The following SLC35F3 variants were observed in gnomAD, a reference collection of about 807,000 sequenced individuals.
SLC35F3 encodes solute carrier family 35 member F3.
A neutral mutation model predicts 49.9 loss-of-function variants in SLC35F3; 25 were observed. The ratio of observed to expected loss-of-function variants is 0.50; its 90% confidence interval spans 0.37 to 0.70. The LOEUF (loss-of-function observed/expected upper bound fraction) is 0.70, where lower values mean the gene tolerates loss of function less well. SLC35F3 is among the 30% of genes least tolerant of loss of function. SLC35F3 has a pLI of 0.00. For missense variants in SLC35F3, 525 were observed against 639.8 expected (o/e 0.82, Z 1.94); for synonymous variants, 275 against 265.4 (o/e 1.04, Z -0.35).
At chr1:234,180,109 G>A (rs1666534202) in intron 2 of SLC35F3, among the ~76,000 whole-genome samples, 1 of 152,126 alleles carries the variant, frequency 6.6e-6, no homozygotes, top group Non-Finnish European at 1.5e-5. Flanking sequence ...AACAGCACCT[G>A]GCTAGAAATG....
intron 2 of SLC35F3, among the ~76,000 whole-genome samples, chr1:234,049,728 G>A (rs1451810824): frequency 6.6e-6 from 1 of 152,090 alleles, no homozygotes; most frequent in African/African-American, 2.4e-5. Context: ...ATGTTGGTGT[G>A]CTGCACCCAT....
chr1:234,241,790 A>G (rs548859867), intron 3 of SLC35F3, among the ~76,000 whole-genome samples: 157 of 151,504 alleles, frequency 1.0e-3, no homozygotes, highest in Non-Finnish European at 1.9e-3. Context: ...ACGGTGGGCT[A>G]CAAGGTTTGG....
intron 3 of SLC35F3, among the ~76,000 whole-genome samples, chr1:234,234,860 G>A (rs140429616): frequency 2.4e-4 from 36 of 152,276 alleles, no homozygotes; most frequent in African/African-American, 7.7e-4. Context: ...CAAATGACAC[G>A]CTGTATATGA....
intron 2 of SLC35F3, among the ~76,000 whole-genome samples, chr1:233,920,541 G>A (rs983671440): frequency 1.3e-5 from 2 of 152,162 alleles, no homozygotes; most frequent in African/African-American, 2.4e-5. Flanking sequence ...GTGTCCTGAC[G>A]GACAAACTCT....
chr1:234,255,898 C>T (rs1344063546), intron 3 of SLC35F3, among the ~76,000 whole-genome samples: 1 of 151,972 alleles, frequency 6.6e-6, no homozygotes, highest in South Asian at 2.1e-4. Context: ...AACCAAAAAC[C>T]CTACAAATCC....
chr1:234,285,228 C>A (rs1418687236), intron 3 of SLC35F3: 5 of 417,614 alleles, frequency 1.2e-5, no homozygotes, highest in South Asian at 8.9e-5. Context: ...GGACATTTCA[C>A]TGGGCTTCCC....
rs1325157838 is a variant in SLC35F3 at position 234,153,935 on chromosome 1, C to T, written c.284-77482C>T. On this transcript the variant is annotated intron_variant, in intron 2 of 7. Coordinates refer to ENST00000366618, the MANE Select transcript of SLC35F3 (RefSeq NM_173508.4). The stretch of plus-strand genomic sequence containing the variant: ...AAAATTAGCCGGGCATGGCGGCAGG[C>T]GCCTGTAGTCCCAGGTACTCGGGAG... Among the ~76,000 whole-genome samples the T allele has an allele frequency of 4.6e-5, 7 of 152,010 alleles. 1 individual carries two copies. In the South Asian group the frequency reaches 1.0e-3, roughly 22 times the overall value.
chr1:234,032,775 A>C (rs1219586960), intron 2 of SLC35F3, among the ~76,000 whole-genome samples: 1 of 152,178 alleles, frequency 6.6e-6, no homozygotes, highest in Admixed American at 6.5e-5. Context: ...TCATTGATTC[A>C]TGGGCATTTG....
chr1:234,111,446 C>G (rs1665404335), intron 2 of SLC35F3, among the ~76,000 whole-genome samples: 2 of 152,222 alleles, frequency 1.3e-5, no homozygotes, highest in Non-Finnish European at 2.9e-5. Context: ...TGTGCACCAC[C>G]ATGCCTGGCT....
chr1:234,050,385 C>G (rs1377573909), intron 2 of SLC35F3, among the ~76,000 whole-genome samples: 1 of 152,164 alleles, frequency 6.6e-6, no homozygotes, highest in African/African-American at 2.4e-5. Context: ...TCTCTGATGA[C>G]CAGTGATGAT....
chr1:234,263,272 TAAAAG>T (rs964583868), intron 3 of SLC35F3, among the ~76,000 whole-genome samples: 11 of 152,176 alleles, frequency 7.2e-5, no homozygotes, highest in South Asian at 2.1e-4. Flanking sequence ...ATGGGGAACT[TAAAAG>T]AGATATGAAT....
At position 233,932,270 on chromosome 1, in the gene SLC35F3, G is replaced by A. The variant is rs530839171; in HGVS notation, c.283+26512G>A. 3.2e-4 allele frequency among the ~76,000 whole-genome samples: 48 copies of A among 150,354 alleles called. 1 individual carries two copies. Among genetic ancestry groups the A allele is most frequent in the South Asian group, 2.4e-3 (11 of 4,614 alleles). Reference sequence around the variant, plus strand: ...TGTAACAAAACCACACATTCTGTACGTGTACCCCAGAACTTAAAGTATAAC... The same window carrying A: ...TGTAACAAAACCACACATTCTGTACATGTACCCCAGAACTTAAAGTATAAC... On this transcript the variant is annotated intron_variant, in intron 2 of 7. Transcript: ENST00000366618.
At chr1:234,139,533 G>T (rs1161262100) in intron 2 of SLC35F3, among the ~76,000 whole-genome samples, 1 of 152,128 alleles carries the variant, frequency 6.6e-6, no homozygotes, top group East Asian at 1.9e-4. Flanking sequence ...ACATAAAATT[G>T]TTCCTTTCCC....
chr1:233,969,159 T>TTCTCATCTTCAGTTTTCAGACGTCTGAAG (rs1662951711), intron 2 of SLC35F3, among the ~76,000 whole-genome samples: 1 of 152,128 alleles, frequency 6.6e-6, no homozygotes, highest in Non-Finnish European at 1.5e-5. Context: ...TTTTTTGCAA[T>TTCTCATCTTCAGTTTTCAGACGTCTGAAG]TCTCATCTTC....
chr1:234,078,958 G>GA (rs1031583897), intron 2 of SLC35F3, among the ~76,000 whole-genome samples: 1 of 151,962 alleles, frequency 6.6e-6, no homozygotes, highest in South Asian at 2.1e-4. Flanking sequence ...CTCTTTTCCA[G>GA]AAAAAAATCA....
intron 2 of SLC35F3, among the ~76,000 whole-genome samples, chr1:234,123,609 G>C (rs1665607488): frequency 6.7e-6 from 1 of 150,252 alleles, no homozygotes; most frequent in East Asian, 2.0e-4. Context: ...GTAGAGACAG[G>C]GTTTCGCTAT....
Position 234,008,333 on chromosome 1 carries a change from G to A in SLC35F3, c.283+102575G>A, listed in dbSNP as rs140634765. On this transcript the variant is annotated intron_variant, in intron 2 of 7. Transcript: ENST00000366618. ...ACTGTTTCAGATACTTGCTTATGAT[G>A]CACCATCATTTGCTTTTCCCTGTTA... Among the ~76,000 whole-genome samples, 20 of 152,296 alleles carry A rather than the reference G, an allele frequency of 1.3e-4. 1 individual carries two copies. In the East Asian group the frequency reaches 3.9e-3, roughly 29 times the overall value.
In SLC35F3 at chr1:234,027,777, T is replaced by A. The variant is rs921207723; in HGVS notation, c.283+122019T>A. On this transcript the variant is annotated intron_variant, in intron 2 of 7. Coordinates refer to ENST00000366618, the MANE Select transcript of SLC35F3 (RefSeq NM_173508.4). This position sits in a 1 kb window ranked among gnomAD's most constrained non-coding sequence, Gnocchi z 4.1. ...AATTCACTGGGAGCCTGCGCCAGTT[T>A]AGCACTGGGTATTTAGCAGGGAACA... is the stretch of plus-strand genomic sequence containing the variant. Among the ~76,000 whole-genome samples, 4 of 152,200 alleles carry A rather than the reference T, an allele frequency of 2.6e-5. No individual in the cohort carries two copies. The highest frequency in any genetic ancestry group is 4.4e-5 in the Non-Finnish European group (3 of 68,030).
At chr1:234,007,430 G>A in intron 2 of SLC35F3, among the ~76,000 whole-genome samples, 1 of 152,004 alleles carries the variant, frequency 6.6e-6, no homozygotes, top group East Asian at 1.9e-4. Context: ...GAAGGGCCTA[G>A]TGTGGGTGCA....
Sources: gnomAD v4.1 joint callset for allele counts (sites outside exome capture counted in the v4.1 genomes callset) on GRCh38, gnomAD v4.1.1 for gene constraint, Gnocchi (gnomAD v3.1) non-coding constraint, MANE v1.5 for transcripts, NCBI Gene and HGNC (gene_info 2026-07-23, HGNC 2026-07-21) for gene names.